KCNA2: variants seen among roughly 807,000 people sequenced by gnomAD.
The protein encoded by KCNA2 is potassium voltage-gated channel subfamily A member 2.
A neutral mutation model predicts 33.4 loss-of-function variants in KCNA2; 11 were observed. That is an observed-to-expected ratio of 0.33 (90% CI 0.21 to 0.55). The LOEUF (loss-of-function observed/expected upper bound fraction) is 0.55. KCNA2 is among the 20% of genes least tolerant of loss of function. KCNA2 has a pLI of 0.93. For missense variants in KCNA2, 291 were observed against 621.6 expected (o/e 0.47, Z 5.66); for synonymous variants, 222 against 231.3 (o/e 0.96, Z 0.37).
At chr1:110,616,994 A>T (rs1650088451) in intron 1 of KCNA2, among the ~76,000 whole-genome samples, 1 of 152,246 alleles carries the variant, frequency 6.6e-6, no homozygotes, top group Admixed American at 6.5e-5. Context: ...GGAAATTGAG[A>T]GATGTCTTTA....
chr1:110,601,510 C>A lies in KCNA2; in HGVS notation c.*1773G>T. On this transcript the variant is annotated 3_prime_UTR_variant, in exon 3 of 3. Coordinates refer to ENST00000316361, the MANE Select transcript of KCNA2 (RefSeq NM_004974.4). ...GAGAGGAGGCCCGGGGTGGGTCTGG[C>A]CCAGGACAGCTGGAACTGTGAGGGC... is the stretch of plus-strand genomic sequence containing the variant. The A allele has an allele frequency of 2.0e-6, 2 of 986,144 alleles. No individual in the cohort carries two copies. The highest frequency in any genetic ancestry group is 1.2e-6 in the Non-Finnish European group (1 of 830,498). The allele number at this position is 986,144 out of a possible 1,614,324, so 61.1% of individuals were successfully genotyped here. A position where few individuals can be genotyped will look rare whatever the true frequency, so the allele number is the denominator to read the frequency against.
chr1:110,596,546 G>T lies in KCNA2; in HGVS notation c.*6737C>A. ...CTGTCTTGTAGCCAGCAGCCATTCA[G>T]CCTGTCTCTTTGGTCTTCTCTACCT... On this transcript the variant is annotated 3_prime_UTR_variant, in exon 3 of 3. Coordinates refer to ENST00000316361, the MANE Select transcript of KCNA2 (RefSeq NM_004974.4). 4.7e-6 allele frequency: 1 copy of T among 210,752 alleles called. No individual in the cohort carries two copies. Among genetic ancestry groups the T allele is most frequent in the Non-Finnish European group, 8.2e-6 (1 of 121,672 alleles). 13.1% of individuals were successfully genotyped at this position (210,752 alleles called of 1,614,324 possible).
At chr1:110,611,787 T>A (rs1053642263) in intron 1 of KCNA2, among the ~76,000 whole-genome samples, 1 of 145,646 alleles carries the variant, frequency 6.9e-6, no homozygotes, top group Non-Finnish European at 1.5e-5. Flanking sequence ...CTCTGGGAGG[T>A]TGAGGAAAGT....
upstream of KCNA2, chr1:110,606,544 C>A (rs1327874214): frequency 6.6e-6 from 1 of 152,264 alleles, no homozygotes; most frequent in Non-Finnish European, 1.5e-5. Flanking sequence ...ACTCAGCGCT[C>A]GCCTCCGCGC....
Position 110,602,087 on chromosome 1 carries a change from G to A in KCNA2, c.*1196C>T, listed in dbSNP as rs1469677958. The A allele has an allele frequency of 1.3e-6, 2 of 1,550,504 alleles. No individual in the cohort carries two copies. Among genetic ancestry groups the A allele is most frequent in the African/African-American group, 1.4e-5 (1 of 73,140 alleles). On this transcript the variant is annotated 3_prime_UTR_variant, in exon 3 of 3. Coordinates refer to ENST00000316361, the MANE Select transcript of KCNA2 (RefSeq NM_004974.4). The stretch of plus-strand genomic sequence containing the variant: ...ACTGTACAGTCATGCCCGCGACTAG[G>A]TTAATTCCTAAGGTGCAGTCATGTG...
chr1:110,618,945 T>C (rs1267663430), intron 1 of KCNA2, among the ~76,000 whole-genome samples: 1 of 152,224 alleles, frequency 6.6e-6, no homozygotes, highest in Non-Finnish European at 1.5e-5. Context: ...ATTCATGCCC[T>C]CGCAGAAGCC....
chr1:110,596,617 C>T lies in KCNA2; in HGVS notation c.*6666G>A. ...AGCATTGAGGTTTACAATGTTGACC[C>T]TGAGCAAGGCAAGGTCCCTGTTATC... On this transcript the variant is annotated 3_prime_UTR_variant, in exon 3 of 3. Transcript: ENST00000316361. 2 of 486,780 alleles carry T rather than the reference C, an allele frequency of 4.1e-6. No homozygotes were observed. Among genetic ancestry groups the T allele is most frequent in the Non-Finnish European group, 5.3e-6 (2 of 374,562 alleles). 30.2% of individuals were successfully genotyped at this position (486,780 alleles called of 1,614,324 possible).
At chr1:110,626,190 G>C (rs774050973) in intron 1 of KCNA2, among the ~76,000 whole-genome samples, 27 of 152,264 alleles carry the variant, frequency 1.8e-4, no homozygotes, top group Non-Finnish European at 3.2e-4. Context: ...TAAAAGACTG[G>C]AAACAGCCCA....
chr1:110,621,995 A>C (rs1650270148), intron 1 of KCNA2, among the ~76,000 whole-genome samples: 1 of 152,216 alleles, frequency 6.6e-6, no homozygotes, highest in Non-Finnish European at 1.5e-5. Context: ...TTTTCAATCC[A>C]TTATGTGAGG....
At chr1:110,608,747 G>T (rs1403295505), upstream of KCNA2, among the ~76,000 whole-genome samples, 1 of 152,198 alleles carries the variant, frequency 6.6e-6, no homozygotes, top group Non-Finnish European at 1.5e-5. Context: ...GAGGCAGTCA[G>T]ATGGAAACGT....
Position 110,602,270 on chromosome 1 carries a change from T to G in KCNA2, c.*1013A>C, listed in dbSNP as rs1221954214. The stretch of plus-strand genomic sequence containing the variant: ...TCCCCTGATGGAGGGATTTTTGCCT[T>G]CTGATGGGAAAAAAACCCCTAGTTC... On this transcript the variant is annotated 3_prime_UTR_variant, in exon 3 of 3. Coordinates refer to ENST00000316361, the MANE Select transcript of KCNA2 (RefSeq NM_004974.4). 6.6e-7 allele frequency: 1 copy of G among 1,510,614 alleles called. No homozygotes were observed. The highest frequency in any genetic ancestry group is 8.8e-7 in the Non-Finnish European group (1 of 1,131,324). The allele number at this position is 1,510,614 out of a possible 1,614,324, so 93.6% of individuals were successfully genotyped here. A position where few individuals can be genotyped will look rare whatever the true frequency, so the allele number is the denominator to read the frequency against.
chr1:110,607,087 C>T (rs971866678), upstream of KCNA2, among the ~76,000 whole-genome samples: 4 of 152,122 alleles, frequency 2.6e-5, no homozygotes, highest in African/African-American at 9.7e-5. Flanking sequence ...CGGTCTGGGA[C>T]CTGCCGAGCA....
chr1:110,595,295 C>T lies in KCNA2; in HGVS notation c.*7988G>A. 1.0e-6 allele frequency: 1 copy of T among 985,428 alleles called. No individual in the cohort carries two copies. The highest frequency in any genetic ancestry group is 1.2e-6 in the Non-Finnish European group (1 of 829,940). The allele number at this position is 985,428 out of a possible 1,614,324, so 61.0% of individuals were successfully genotyped here. A position where few individuals can be genotyped will look rare whatever the true frequency, so the allele number is the denominator to read the frequency against. On this transcript the variant is annotated 3_prime_UTR_variant, in exon 3 of 3. Transcript: ENST00000316361. The stretch of plus-strand genomic sequence containing the variant: ...ACTATTTTAGGAGTGCAGAGGAGCA[C>T]AGAAAGTTATATCCATTTCCATGCT...
Position 110,595,970 on chromosome 1 carries a change from T to C in KCNA2, c.*7313A>G, listed in dbSNP as rs1028331604. 8.1e-6 allele frequency: 8 copies of C among 985,332 alleles called. No homozygotes were observed. In the African/African-American group the frequency reaches 1.4e-4, roughly 17 times the overall value. The allele number at this position is 985,332 out of a possible 1,614,324, so 61.0% of individuals were successfully genotyped here. A position where few individuals can be genotyped will look rare whatever the true frequency, so the allele number is the denominator to read the frequency against. The stretch of plus-strand genomic sequence containing the variant: ...CGAGTACAAAGTTTGGAATAACTTT[T>C]CTGATCCTCAGTGATGAGGTTATAG... On this transcript the variant is annotated 3_prime_UTR_variant, in exon 3 of 3. Transcript: ENST00000316361.
In KCNA2 at chr1:110,594,178, G is replaced by C; in HGVS notation, c.*9105C>G. 8.0e-7 allele frequency: 1 copy of C among 1,256,326 alleles called. No homozygotes were observed. Among genetic ancestry groups the C allele is most frequent in the Non-Finnish European group, 1.0e-6 (1 of 998,346 alleles). 77.8% of individuals were successfully genotyped at this position (1,256,326 alleles called of 1,614,324 possible). A position where few individuals can be genotyped will look rare whatever the true frequency, so the allele number is the denominator to read the frequency against. On this transcript the variant is annotated 3_prime_UTR_variant, in exon 3 of 3. Coordinates refer to ENST00000316361, the MANE Select transcript of KCNA2 (RefSeq NM_004974.4). ...CAGCAATTATTAGAGACAGGACATGGGAGGGCAGCTGAAGATTCATGCACA... is the reference window on the plus strand; with the variant it reads ...CAGCAATTATTAGAGACAGGACATGCGAGGGCAGCTGAAGATTCATGCACA...
chr1:110,614,822 C>T (rs1372121471), intron 1 of KCNA2, among the ~76,000 whole-genome samples: 1 of 152,184 alleles, frequency 6.6e-6, no homozygotes, highest in African/African-American at 2.4e-5. Flanking sequence ...AGGACCTGCT[C>T]AAGGTTGCAT....
chr1:110,601,451 G>C lies in KCNA2; in HGVS notation c.*1832C>G. ...TAAGATCCAAGTGGCAAGGGAAGAG[G>C]TGAAAATGGAGATGATGAACAGGAT... On this transcript the variant is annotated 3_prime_UTR_variant, in exon 3 of 3. Coordinates refer to ENST00000316361, the MANE Select transcript of KCNA2 (RefSeq NM_004974.4). 1.0e-6 allele frequency: 1 copy of C among 985,540 alleles called. No homozygotes were observed. Among genetic ancestry groups the C allele is most frequent in the Non-Finnish European group, 1.2e-6 (1 of 830,020 alleles). 61.0% of individuals were successfully genotyped at this position (985,540 alleles called of 1,614,324 possible).
chr1:110,628,424 G>A, intron 1 of KCNA2, among the ~76,000 whole-genome samples: 1 of 152,186 alleles, frequency 6.6e-6, no homozygotes, highest in East Asian at 1.9e-4. Context: ...GTGTTAGAAT[G>A]GGCCTGACCA....
At chr1:110,625,316 G>A (rs1052436972) in intron 1 of KCNA2, among the ~76,000 whole-genome samples, 1 of 152,198 alleles carries the variant, frequency 6.6e-6, no homozygotes, top group Admixed American at 6.5e-5. Flanking sequence ...TGAATGGGAA[G>A]TTCAGACATA....
Sources: allele counts gnomAD v4.1 joint callset (sites outside exome capture counted in the v4.1 genomes callset), GRCh38; gene constraint gnomAD v4.1.1; transcripts MANE v1.5; gene names NCBI Gene and HGNC (gene_info 2026-07-23, HGNC 2026-07-21).